CLSTN2: variants seen among roughly 807,000 people sequenced by gnomAD.
CLSTN2 encodes the protein calsyntenin 2, also known as calsyntenin-2.
A neutral mutation model predicts 101.2 loss-of-function variants in CLSTN2; 48 were observed. That is an observed-to-expected ratio of 0.47 (90% CI 0.38 to 0.60). CLSTN2 has a LOEUF of 0.60. Ranked by LOEUF, CLSTN2 falls within the 20% of genes least tolerant of loss-of-function variation. The pLI is 0.00. For missense variants in CLSTN2, 1,160 were observed against 1,238.2 expected (o/e 0.94, Z 0.95); for synonymous variants, 481 against 463.6 (o/e 1.04, Z -0.48).
chr3:140,017,525 G>T (rs535261960), intron 1 of CLSTN2, among the ~76,000 whole-genome samples: 1 of 152,312 alleles, frequency 6.6e-6, no homozygotes, highest in Non-Finnish European at 1.5e-5. Context: ...CCCATGCAAA[G>T]TTCCTTGGGG....
intron 2 of CLSTN2, among the ~76,000 whole-genome samples, chr3:140,344,168 T>G (rs2107938014): frequency 6.6e-6 from 1 of 152,302 alleles, no homozygotes; most frequent in Non-Finnish European, 1.5e-5. Context: ...AGTAAGCATT[T>G]ATTTACCCCT....
At position 140,505,062 on chromosome 3, in the gene CLSTN2, A is replaced by G. The variant is rs1934660359; in HGVS notation, c.1345-27262A>G. ...ACTTAACAGACTGACTCGTAGTTCAAAGAAAGTATCTTTTTTTTTTGCTGT... is the reference window on the plus strand; with the variant it reads ...ACTTAACAGACTGACTCGTAGTTCAGAGAAAGTATCTTTTTTTTTTGCTGT... On this transcript the variant is annotated intron_variant, in intron 8 of 16. Coordinates refer to ENST00000458420, the MANE Select transcript of CLSTN2 (RefSeq NM_022131.3). Among the ~76,000 whole-genome samples the G allele has an allele frequency of 2.1e-5, 3 of 142,960 alleles. No homozygotes were observed. In the South Asian group the frequency reaches 6.3e-4, roughly 30 times the overall value. The allele number at this position is 142,960 out of a possible 152,430, so 93.8% of individuals were successfully genotyped here. A position where few individuals can be genotyped will look rare whatever the true frequency, so the allele number is the denominator to read the frequency against.
chr3:139,991,220 G>A (rs1373601939), intron 1 of CLSTN2, among the ~76,000 whole-genome samples: 7 of 152,152 alleles, frequency 4.6e-5, no homozygotes, highest in East Asian at 3.9e-4. Flanking sequence ...TATTTTATAC[G>A]TGGCTAATTT....
intron 2 of CLSTN2, among the ~76,000 whole-genome samples, chr3:140,247,963 A>AT (rs1055565021): frequency 6.6e-5 from 10 of 152,114 alleles, no homozygotes; most frequent in African/African-American, 2.4e-4. Context: ...AGTCACAAGG[A>AT]TTTTTTAAAA....
At chr3:140,267,061 C>A (rs370156966) in intron 2 of CLSTN2, among the ~76,000 whole-genome samples, 1 of 152,214 alleles carries the variant, frequency 6.6e-6, no homozygotes, top group East Asian at 1.9e-4. Context: ...ATTAAAGCTG[C>A]AAGATTTGGA....
chr3:140,524,911 C>A (rs1243088738), intron 8 of CLSTN2, among the ~76,000 whole-genome samples: 1 of 152,006 alleles, frequency 6.6e-6, no homozygotes, highest in Non-Finnish European at 1.5e-5. Flanking sequence ...AAATAGTGAC[C>A]CAACTTACCA....
At chr3:140,142,398 C>G (rs1008861935) in intron 1 of CLSTN2, among the ~76,000 whole-genome samples, 1 of 152,120 alleles carries the variant, frequency 6.6e-6, no homozygotes, top group Admixed American at 6.5e-5. Flanking sequence ...CAGGCCCACA[C>G]TGGGGCAGGC....
chr3:140,293,276 C>A (rs2086971158), intron 2 of CLSTN2, among the ~76,000 whole-genome samples: 2 of 152,146 alleles, frequency 1.3e-5, no homozygotes, highest in Non-Finnish European at 2.9e-5. Context: ...GGAGAGCACT[C>A]AGTGGGCAGC....
chr3:139,965,624 G>A (rs1316837133), intron 1 of CLSTN2, among the ~76,000 whole-genome samples: 3 of 152,148 alleles, frequency 2.0e-5, no homozygotes, highest in African/African-American at 7.2e-5. Context: ...CAGAGGACGG[G>A]GGCAAACACA....
chr3:140,228,048 CT>C (rs1245557941), intron 2 of CLSTN2, among the ~76,000 whole-genome samples: 1 of 152,210 alleles, frequency 6.6e-6, no homozygotes, highest in Non-Finnish European at 1.5e-5. Flanking sequence ...CATTTGTCTC[CT>C]CGTTACTTAT....
rs539864331 is a variant in CLSTN2, at chr3:139,943,452, C to T, written c.109+7969C>T. Among the ~76,000 whole-genome samples, 13 of 152,280 alleles carry T rather than the reference C, an allele frequency of 8.5e-5. No homozygotes were observed. The South Asian group carries it at 1.0e-3, about 12-fold the overall frequency. ...CATGAATTCTATCTTTCACCCTCCACGCTAAGGTCTGTAAGGTTTTTAAGA... is the reference window on the plus strand; with the variant it reads ...CATGAATTCTATCTTTCACCCTCCATGCTAAGGTCTGTAAGGTTTTTAAGA... On this transcript the variant is annotated intron_variant, in intron 1 of 16. Transcript: ENST00000458420.
chr3:140,476,654 CT>C (rs564731249), intron 8 of CLSTN2, among the ~76,000 whole-genome samples: 5,495 of 124,610 alleles, frequency 0.044, 272 homozygotes, highest in African/African-American at 0.13. Flanking sequence ...GTTTTAGCAT[CT>C]TTTTTTTTTT....
intron 9 of CLSTN2, among the ~76,000 whole-genome samples, chr3:140,544,734 C>T (rs555713356): frequency 6.6e-6 from 1 of 151,790 alleles, no homozygotes; most frequent in Admixed American, 6.6e-5. Context: ...TGGAGTAGGG[C>T]TCCAGGCAGA....
chr3:140,214,170 T>G (rs2010893179), intron 2 of CLSTN2, among the ~76,000 whole-genome samples: 2 of 152,056 alleles, frequency 1.3e-5, no homozygotes, highest in African/African-American at 4.8e-5. Context: ...CTAGGCATGG[T>G]GGCTCACGCC....
At chr3:140,564,831 A>G (rs1479405024) in intron 16 of CLSTN2, among the ~76,000 whole-genome samples, 1 of 152,222 alleles carries the variant, frequency 6.6e-6, no homozygotes, top group African/African-American at 2.4e-5. Flanking sequence ...AACAGCCCCC[A>G]GAATCTATCC....
At chr3:140,293,734 G>T (rs2086976094) in intron 2 of CLSTN2, among the ~76,000 whole-genome samples, 1 of 152,144 alleles carries the variant, frequency 6.6e-6, no homozygotes, top group Non-Finnish European at 1.5e-5. Context: ...GTGATGCTGA[G>T]GCACCCTGAC....
chr3:140,392,889 G>A (rs1358418837), intron 2 of CLSTN2, among the ~76,000 whole-genome samples: 2 of 151,754 alleles, frequency 1.3e-5, no homozygotes, highest in East Asian at 1.9e-4. Context: ...GTCCATGGTC[G>A]AGGGGCCACA....
chr3:140,475,242 A>T (rs1015509792), intron 8 of CLSTN2, among the ~76,000 whole-genome samples: 6 of 152,212 alleles, frequency 3.9e-5, no homozygotes, highest in Non-Finnish European at 7.3e-5. Flanking sequence ...AAGTGAATAA[A>T]GGGAAGGAAG....
At chr3:140,519,682 T>G (rs1392729349) in intron 8 of CLSTN2, among the ~76,000 whole-genome samples, 1 of 152,184 alleles carries the variant, frequency 6.6e-6, no homozygotes, top group African/African-American at 2.4e-5. Context: ...CCTCCATTCC[T>G]TTGTTTTGAG....
Sources: gnomAD v4.1 joint callset for allele counts (sites outside exome capture counted in the v4.1 genomes callset) on GRCh38, gnomAD v4.1.1 for gene constraint, MANE v1.5 for transcripts, NCBI Gene and HGNC (gene_info 2026-07-23, HGNC 2026-07-21) for gene names.